Variants in ANKRD10 observed in about 807,000 individuals in gnomAD.
ANKRD10 encodes the protein ankyrin repeat domain-containing protein 10.
In ANKRD10, 14 loss-of-function variants were observed where a neutral mutation model predicts 27.0. That is an observed-to-expected ratio of 0.52 (90% confidence interval 0.34 to 0.81). The LOEUF is 0.81. ANKRD10 is among the 40% of genes least tolerant of loss of function. The pLI is 0.01. For synonymous variants in ANKRD10, 250 were observed against 224.5 expected, an observed-to-expected ratio of 1.11 and a Z score of -1.01; for missense variants, 493 against 544.0, an observed-to-expected ratio of 0.91 and a Z score of 0.93.
chr13:110,907,079 C>CTTTTTTTTTTTTTTTTT, intron 2 of ANKRD10, among the ~76,000 whole-genome samples: 5 of 246 alleles, frequency 0.02, 2 homozygotes, highest in African/African-American at 0.022. Context: ...AGCAACACTT[C>CTTTTTTTTTTTTTTTTT]TTTTTTTTTT....
chr13:110,915,001 G>A lies in ANKRD10; in HGVS notation c.-67C>T, dbSNP rs1366794784. The A allele has an allele frequency of 1.1e-5, 17 of 1,486,078 alleles. No homozygotes were observed. Among genetic ancestry groups the A allele is most frequent in the South Asian group, 1.1e-4 (8 of 75,852 alleles). 92.1% of individuals were successfully genotyped at this position (1,486,078 alleles called of 1,614,324 possible). A position where few individuals can be genotyped will look rare whatever the true frequency, so the allele number is the denominator to read the frequency against. ...CGCGTCGGGGAGGACTCGAGAAGCC[G>A]CCGCCGCAGCACAAAGGAACGAGAC... On this transcript the variant is annotated 5_prime_UTR_variant, in exon 1 of 6. Coordinates refer to ENST00000267339, the MANE Select transcript of ANKRD10 (RefSeq NM_017664.4).
In ANKRD10 at chr13:110,879,118, T is replaced by G; in HGVS notation, c.*519A>C. On this transcript the variant is annotated 3_prime_UTR_variant, in exon 6 of 6. Coordinates refer to ENST00000267339, the MANE Select transcript of ANKRD10 (RefSeq NM_017664.4). ...CAACCACATGGTGATCTGCAAAGCTTCATTGAAAAAGACAAACGTTCTCTT... is the reference window on the plus strand; with the variant it reads ...CAACCACATGGTGATCTGCAAAGCTGCATTGAAAAAGACAAACGTTCTCTT... 1 of 161,258 alleles carries G rather than the reference T, an allele frequency of 6.2e-6. No homozygotes were observed. Among genetic ancestry groups the G allele is most frequent in the Non-Finnish European group, 1.4e-5 (1 of 72,230 alleles). The allele number at this position is 161,258 out of a possible 1,614,324, so 10.0% of individuals were successfully genotyped here.
At chr13:110,910,848 C>A in intron 1 of ANKRD10, 78 bp from the exon 2 acceptor site, 1 of 1,395,556 alleles carries the variant, frequency 7.2e-7, no homozygotes, top group South Asian at 1.5e-5. Flanking sequence ...AATCGAAATT[C>A]TATAATGGTG....
intron 5 of ANKRD10, among the ~76,000 whole-genome samples, chr13:110,881,536 TC>T (rs201976466): frequency 6.9e-6 from 1 of 145,610 alleles, no homozygotes; most frequent in Non-Finnish European, 1.5e-5. Flanking sequence ...AGATTTTTTT[TC>T]CCCCAAATTA....
rs756329391 is a variant in ANKRD10 at position 110,883,731 on chromosome 13, T to C, written c.754A>G (p.Met252Val). The stretch of plus-strand genomic sequence containing the variant: ...ACAGCAAACTCCCTATCAACGTGCA[T>C]TTTGTCAGCATCGTCTTCTGTGTCG... ...NGDTEDDADK[M>V]HVDREFAVVT... Residue 252 changes from methionine to valine, a missense_variant, in exon 5 of 6, where the codon ATG becomes GTG. Met to Val is a conservative substitution (Grantham distance 21). Coordinates refer to ENST00000267339, the MANE Select transcript of ANKRD10 (RefSeq NM_017664.4). The C allele has an allele frequency of 1.2e-6, 2 of 1,614,046 alleles. No individual in the cohort carries two copies. Among genetic ancestry groups the C allele is most frequent in the African/African-American group, 2.7e-5 (2 of 74,916 alleles).
chr13:110,895,071 A>T (rs930347005), intron 3 of ANKRD10: 8 of 152,208 alleles, frequency 5.3e-5, no homozygotes, highest in African/African-American at 1.9e-4. Context: ...CCACATGAAA[A>T]TTCAAAAACT....
At chr13:110,891,325 T>C (rs923257414) in intron 4 of ANKRD10, among the ~76,000 whole-genome samples, 2 of 152,212 alleles carry the variant, frequency 1.3e-5, no homozygotes, top group Non-Finnish European at 2.9e-5. Flanking sequence ...AGAAAAAATA[T>C]ATTAAAACAT....
chr13:110,900,702 A>G (rs1227239037), intron 3 of ANKRD10: 1 of 1,349,248 alleles, frequency 7.4e-7, no homozygotes, highest in Admixed American at 1.9e-5. Flanking sequence ...TAGCTGTAAA[A>G]CATTGACATG....
At chr13:110,914,386 G>A (rs1472720269) in intron 1 of ANKRD10, 6 of 184,568 alleles carry the variant, frequency 3.3e-5, no homozygotes, top group African/African-American at 9.4e-5. Context: ...CCGCGCGCGC[G>A]CGCGCTCGCA....
At chr13:110,884,694 C>A (rs2064883348) in intron 4 of ANKRD10, among the ~76,000 whole-genome samples, 1 of 152,200 alleles carries the variant, frequency 6.6e-6, no homozygotes, top group Admixed American at 6.5e-5. Flanking sequence ...TTCCCTTTTC[C>A]TTCCTATCAT....
rs138236251 is a variant in ANKRD10 at position 110,896,124 on chromosome 13, G to C, written c.456-2861C>G. ...GGGGCACTAGAAGGCAGACATGATG[G>C]GGAGGTGAAAAAGTTCTAGAAATTG... On this transcript the variant is annotated intron_variant, in intron 3 of 5. Coordinates refer to ENST00000267339, the MANE Select transcript of ANKRD10 (RefSeq NM_017664.4). Among the ~76,000 whole-genome samples the C allele has an allele frequency of 3.9e-5, 6 of 152,292 alleles. No individual in the cohort carries two copies. The East Asian group carries it at 9.7e-4, about 25-fold the overall frequency.
At chr13:110,900,712 G>T in intron 3 of ANKRD10, 1 of 1,343,392 alleles carries the variant, frequency 7.4e-7, no homozygotes, top group Admixed American at 1.9e-5. Flanking sequence ...ACATTGACAT[G>T]TGTAGTTTTT....
intron 1 of ANKRD10, among the ~76,000 whole-genome samples, chr13:110,912,934 T>G (rs1249002867): frequency 3.9e-5 from 6 of 152,208 alleles, no homozygotes; most frequent in African/African-American, 1.4e-4. Flanking sequence ...TTCAGACAGC[T>G]GGAAACAATG....
Position 110,910,717 on chromosome 13 carries a change from G to A in ANKRD10, c.264C>T (p.Thr88=), listed in dbSNP as rs768032030. 4 of 1,614,024 alleles carry A rather than the reference G, an allele frequency of 2.5e-6. No homozygotes were observed. Among genetic ancestry groups the A allele is most frequent in the East Asian group, 2.2e-5 (1 of 44,888 alleles). The part of the protein sequence containing the change: ...VRAGATLNVS[T]TRYAQTPAHI... The stretch of plus-strand genomic sequence containing the variant: ...GGGCTGGCGTCTGCGCGTACCGTGT[G>A]GTGGAGACGTTGAGTGTGGCTCCCG... Residue 88 remains threonine (T), a synonymous_variant, in exon 2 of 6, where the codon ACC becomes ACT. Coordinates refer to ENST00000267339, the MANE Select transcript of ANKRD10 (RefSeq NM_017664.4).
In ANKRD10 at chr13:110,879,483, GT is replaced by G; in HGVS notation, c.*153del. On this transcript the variant is annotated 3_prime_UTR_variant, in exon 6 of 6. Coordinates refer to ENST00000267339, the MANE Select transcript of ANKRD10 (RefSeq NM_017664.4). ...AGCCCTACTCATGCACAAACAAGCA[GT>G]TGCTGGGAACTTGTCGAAGTTTACT... 1 of 638,432 alleles carries G rather than the reference GT, an allele frequency of 1.6e-6. No individual in the cohort carries two copies. The highest frequency in any genetic ancestry group is 2.7e-5 in the East Asian group (1 of 36,500). 39.5% of individuals were successfully genotyped at this position (638,432 alleles called of 1,614,324 possible).
At chr13:110,883,468 T>C in intron 5 of ANKRD10, 2 of 1,255,502 alleles carry the variant, frequency 1.6e-6, no homozygotes, top group Non-Finnish European at 2.0e-6. Context: ...GATATGCAAA[T>C]TATAGTATAA....
intron 5 of ANKRD10, among the ~76,000 whole-genome samples, chr13:110,882,913 G>A (rs1336795009): frequency 6.6e-6 from 1 of 152,098 alleles, no homozygotes; most frequent in Non-Finnish European, 1.5e-5. Flanking sequence ...ATTCATACAT[G>A]TTAAGAGAAT....
intron 3 of ANKRD10, among the ~76,000 whole-genome samples, chr13:110,896,372 G>A (rs1259122810): frequency 1.3e-5 from 2 of 152,138 alleles, no homozygotes; most frequent in Non-Finnish European, 2.9e-5. Context: ...AGTTTAATTT[G>A]TTAGCATTTA....
intron 1 of ANKRD10, among the ~76,000 whole-genome samples, chr13:110,913,827 A>G (rs141103636): frequency 6.0e-4 from 92 of 152,324 alleles, no homozygotes; most frequent in African/African-American, 2.1e-3. Flanking sequence ...TCACTTCTGA[A>G]ATGCACGGTG....
Sources: allele counts gnomAD v4.1 joint callset (sites outside exome capture counted in the v4.1 genomes callset), GRCh38; gene constraint gnomAD v4.1.1; transcripts MANE v1.5; gene names NCBI Gene and HGNC (gene_info 2026-07-23, HGNC 2026-07-21).